Variants in SF3B4 observed in about 807,000 individuals in gnomAD.
The protein encoded by SF3B4 is SAP 49.
In SF3B4, 3 loss-of-function variants were observed where a neutral mutation model predicts 34.3. The observed-to-expected ratio is 0.09, with a 90% CI of 0.04 to 0.23. The LOEUF is 0.23. Among genes scored for constraint, SF3B4 ranks in the 10% least tolerant of loss-of-function variants. SF3B4 has a pLI of 1.00. For synonymous variants in SF3B4, 216 were observed against 207.8 expected, an observed-to-expected ratio of 1.04 and a Z score of -0.34; for missense variants, 283 against 567.2, an observed-to-expected ratio of 0.50 and a Z score of 5.09.
In SF3B4 at chr1:149,926,427, A is replaced by G; in HGVS notation, c.655T>C (p.Ser219Pro). 2.5e-6 allele frequency: 4 copies of G among 1,613,938 alleles called. No homozygotes were observed. Among genetic ancestry groups the G allele is most frequent in the South Asian group, 1.1e-5 (1 of 91,070 alleles). The change falls in exon 3 of 6, where the codon TCT (serine) becomes CCT (proline). Residue 219 changes from serine (S) to proline (P), a missense_variant. Ser to Pro is a moderately conservative substitution (Grantham distance 74). Transcript: ENST00000271628. This position sits in a 1 kb window ranked among gnomAD's most constrained non-coding sequence, Gnocchi z 6.2. ...QLFADAPPPP[S>P]APNPVVSSLG... Reference sequence around the variant, plus strand: ...GATGATACCACAGGATTGGGAGCAGAGGGTGGAGGAGGTGCATCTGCAAAC... The same window carrying G: ...GATGATACCACAGGATTGGGAGCAGGGGGTGGAGGAGGTGCATCTGCAAAC...
At chr1:149,924,092 A>T in intron 4 of SF3B4, 78 bp from the exon 5 acceptor site, 1 of 1,230,184 alleles carries the variant, frequency 8.1e-7, no homozygotes. Context: ...GAAGAAAACA[A>T]AATTAGAAAG....
rs1553766014 is a variant in SF3B4, at chr1:149,926,328, C to T, written c.706+48G>A. ...AGACTTGTTTTCTTCTTCCTCCTGA[C>T]CCTCTCCCCCAACCTTAAGACAAAC... is the stretch of plus-strand genomic sequence containing the variant. On this transcript the variant is annotated intron_variant, in intron 3 of 5. Transcript: ENST00000271628. This position sits in a 1 kb window ranked among gnomAD's most constrained non-coding sequence, Gnocchi z 6.2. 6.6e-7 allele frequency: 1 copy of T among 1,517,054 alleles called. No homozygotes were observed. Among genetic ancestry groups the T allele is most frequent in the Non-Finnish European group, 8.9e-7 (1 of 1,117,884 alleles). 94.0% of individuals were successfully genotyped at this position (1,517,054 alleles called of 1,614,324 possible). A position where few individuals can be genotyped will look rare whatever the true frequency, so the allele number is the denominator to read the frequency against.
At position 149,927,287 on chromosome 1, in the gene SF3B4, A is replaced by T. The variant is rs1199070163; in HGVS notation, c.42T>A (p.Thr14=). The change falls in exon 2 of 6, where the codon ACT becomes ACA. Residue 14 remains threonine (T), a synonymous_variant. Coordinates refer to ENST00000271628, the MANE Select transcript of SF3B4 (RefSeq NM_005850.5). The part of the protein sequence containing the change: ...GPISERNQDA[T]VYVGGLDEKV... Reference sequence around the variant, plus strand: ...TCTCATCCAGGCCCCCCACGTACACAGTGGCATCTTGAAGGGAGGGAGCAA... The same window carrying T: ...TCTCATCCAGGCCCCCCACGTACACTGTGGCATCTTGAAGGGAGGGAGCAA... 1 of 1,613,728 alleles carries T rather than the reference A, an allele frequency of 6.2e-7. No homozygotes were observed. The highest frequency in any genetic ancestry group is 8.5e-7 in the Non-Finnish European group (1 of 1,179,984).
Position 149,927,796 on chromosome 1 carries a change from C to G in SF3B4, c.-37G>C, listed in dbSNP as rs587610639. The G allele has an allele frequency of 2.2e-5, 34 of 1,551,692 alleles. No homozygotes were observed. The Admixed American group carries it at 5.1e-4, about 23-fold the overall frequency. On this transcript the variant is annotated 5_prime_UTR_variant, in exon 1 of 6. Transcript: ENST00000271628. ...TCCCGCCGTCTCCCAGCAGCGGTTCCGCCTTCTGACCTCAGCACGACTTCC... is the reference window on the plus strand; with the variant it reads ...TCCCGCCGTCTCCCAGCAGCGGTTCGGCCTTCTGACCTCAGCACGACTTCC...
At chr1:149,924,855 T>C (rs2092579865) in intron 4 of SF3B4, among the ~76,000 whole-genome samples, 2 of 152,178 alleles carry the variant, frequency 1.3e-5, no homozygotes, top group South Asian at 4.1e-4. Context: ...AGGGGCCAGA[T>C]CATAAAGAGC....
At chr1:149,927,371 A>G (rs1411715979) in intron 1 of SF3B4, 77 bp from the exon 2 acceptor site, 1 of 1,572,862 alleles carries the variant, frequency 6.4e-7, no homozygotes, top group Non-Finnish European at 8.7e-7. Flanking sequence ...ATGAAGATGG[A>G]ACCCAACCAG....
chr1:149,925,960 T>C lies in SF3B4; in HGVS notation c.789A>G (p.Pro263=). ...CTGCAGCCCCAGGAGGCATAGGTGG[T>C]GGGGGCATGGCTGGGGGTATCCCAG... The part of the protein sequence containing the change: ...LPPGIPPAMP[P]PPMPPGAAGH... The change falls in exon 4 of 6, where the codon CCA becomes CCG. Residue 263 remains proline, a synonymous_variant. Coordinates refer to ENST00000271628, the MANE Select transcript of SF3B4 (RefSeq NM_005850.5). 1.3e-6 allele frequency: 2 copies of C among 1,520,384 alleles called. No individual in the cohort carries two copies. Among genetic ancestry groups the C allele is most frequent in the Non-Finnish European group, 1.8e-6 (2 of 1,127,462 alleles). The allele number at this position is 1,520,384 out of a possible 1,614,324, so 94.2% of individuals were successfully genotyped here.
Position 149,927,778 on chromosome 1 carries a change from G to T in SF3B4, c.-19C>A. ...CAGCCATGGCGAAAGAGATCCCGCC[G>T]TCTCCCAGCAGCGGTTCCGCCTTCT... On this transcript the variant is annotated 5_prime_UTR_variant, in exon 1 of 6. Coordinates refer to ENST00000271628, the MANE Select transcript of SF3B4 (RefSeq NM_005850.5). 1 of 1,552,012 alleles carries T rather than the reference G, an allele frequency of 6.4e-7. No homozygotes were observed. The highest frequency in any genetic ancestry group is 8.7e-7 in the Non-Finnish European group (1 of 1,147,320).
chr1:149,923,770 A>C (rs1458478335), intron 5 of SF3B4, 41 bp from the exon 6 acceptor site: 1 of 1,521,654 alleles, frequency 6.6e-7, no homozygotes, highest in Non-Finnish European at 8.8e-7. Context: ...GCACGGGACA[A>C]GGGGTGTGCC....
At chr1:149,925,647 G>T (rs1430444429) in intron 4 of SF3B4, 189 bp downstream of exon 4, 13 of 675,788 alleles carry the variant, frequency 1.9e-5, no homozygotes, top group Non-Finnish European at 3.0e-5. Flanking sequence ...CTACTTGTCA[G>T]AAAAACTTAA....
At chr1:149,925,564 T>A in intron 4 of SF3B4, 4 of 392,338 alleles carry the variant, frequency 1.0e-5, no homozygotes, top group Non-Finnish European at 1.9e-5. Flanking sequence ...GGCAATTAGG[T>A]CACCACTTTG....
At chr1:149,927,087 G>A in intron 2 of SF3B4, 79 bp downstream of exon 2, 3 of 1,559,796 alleles carry the variant, frequency 1.9e-6, no homozygotes, top group Admixed American at 1.9e-5. Context: ...AAATCTTTAG[G>A]TTGCTCATGT....
chr1:149,926,704 G>A lies in SF3B4; in HGVS notation c.378C>T (p.Ile126=), dbSNP rs782136385. 3.1e-6 allele frequency: 5 copies of A among 1,613,964 alleles called. No individual in the cohort carries two copies. Among genetic ancestry groups the A allele is most frequent in the African/African-American group, 2.7e-5 (2 of 74,902 alleles). ...CCCGCATAATTTTGGGGGTTTGTAA[G>A]ATGACCCCAAAGGCGCTGAAAGTAT... ...LYDTFSAFGV[I]LQTPKIMRDP... The change falls in exon 3 of 6, where the codon ATC becomes ATT. Residue 126 remains isoleucine, a synonymous_variant. Coordinates refer to ENST00000271628, the MANE Select transcript of SF3B4 (RefSeq NM_005850.5). The surrounding 1 kb of genome is among the most constrained non-coding windows in gnomAD (Gnocchi z 6.2).
At position 149,926,163 on chromosome 1, in the gene SF3B4, TA is replaced by T; in HGVS notation, c.707-122del. 2 of 699,844 alleles carry T rather than the reference TA, an allele frequency of 2.9e-6. No homozygotes were observed. 43.4% of individuals were successfully genotyped at this position (699,844 alleles called of 1,614,324 possible). ...CTCTTTCCCCCTCCTCCCAGTGCTC[TA>T]AAATCAAAAGCAATGTTAGAAAAGT... On this transcript the variant is annotated intron_variant, in intron 3 of 5. Coordinates refer to ENST00000271628, the MANE Select transcript of SF3B4 (RefSeq NM_005850.5). The surrounding 1 kb of genome is among the most constrained non-coding windows in gnomAD (Gnocchi z 6.2).
Position 149,923,738 on chromosome 1 carries a change from A to T in SF3B4, c.1088-9T>A, listed in dbSNP as rs587681581. 2.0e-6 allele frequency: 3 copies of T among 1,510,226 alleles called. No homozygotes were observed. The South Asian group carries it at 4.1e-5, about 20-fold the overall frequency. 93.6% of individuals were successfully genotyped at this position (1,510,226 alleles called of 1,614,324 possible). A position where few individuals can be genotyped will look rare whatever the true frequency, so the allele number is the denominator to read the frequency against. On this transcript the variant is annotated splice_polypyrimidine_tract_variant and intron_variant, in intron 5 of 5. Transcript: ENST00000271628. ...CATAGGACCTGGGTGACCTGCAAAG[A>T]GTAAAAGAAAAGTTAGTAAGGGCAC...
chr1:149,925,528 A>G, intron 4 of SF3B4: 1 of 368,816 alleles, frequency 2.7e-6, no homozygotes, highest in Non-Finnish European at 5.1e-6. Flanking sequence ...CAAACTAGAT[A>G]AGGAGCAGAA....
In SF3B4 at chr1:149,926,297, C is replaced by A; in HGVS notation, c.706+79G>T. ...TCACTGACTCAATGTCCCCTGTCCC[C>A]CTTTCAGACTTGTTTTCTTCTTCCT... On this transcript the variant is annotated intron_variant, in intron 3 of 5. Transcript: ENST00000271628. This position sits in a 1 kb window ranked among gnomAD's most constrained non-coding sequence, Gnocchi z 6.2. 7.8e-7 allele frequency: 1 copy of A among 1,286,968 alleles called. No individual in the cohort carries two copies. The allele number at this position is 1,286,968 out of a possible 1,614,324, so 79.7% of individuals were successfully genotyped here.
chr1:149,923,680 C>G lies in SF3B4; in HGVS notation c.1137G>C (p.Leu379=). 6.6e-7 allele frequency: 1 copy of G among 1,524,384 alleles called. No individual in the cohort carries two copies. 94.4% of individuals were successfully genotyped at this position (1,524,384 alleles called of 1,614,324 possible). ...PPHGMRGPPP[L]MPPHGYTGPP... ...GGCCAGTGTATCCATGGGGGGGCAT[C>G]AGTGGAGGAGGTCCACGCATACCAT... is the stretch of plus-strand genomic sequence containing the variant. Residue 379 remains leucine, a synonymous_variant, in exon 6 of 6, where the codon CTG becomes CTC. Transcript: ENST00000271628.
intron 4 of SF3B4, among the ~76,000 whole-genome samples, chr1:149,924,872 T>C (rs782724612): frequency 7.2e-5 from 11 of 152,156 alleles, no homozygotes; most frequent in Non-Finnish European, 1.5e-4. Flanking sequence ...GAGCTGTGAA[T>C]GCTATGGTAA....
Sources: allele counts gnomAD v4.1 joint callset (sites outside exome capture counted in the v4.1 genomes callset), GRCh38; gene constraint gnomAD v4.1.1; non-coding constraint Gnocchi (gnomAD v3.1); transcripts MANE v1.5; gene names NCBI Gene and HGNC (gene_info 2026-07-23, HGNC 2026-07-21).